PREPL: variants seen among roughly 807,000 people sequenced by gnomAD.
PREPL encodes the protein prolyl endopeptidase like, also known as prolyl endopeptidase-like.
In PREPL, 77 loss-of-function variants were observed where a neutral mutation model predicts 70.6. The ratio of observed to expected loss-of-function variants is 1.09; its 90% CI spans 0.91 to 1.32. The LOEUF (loss-of-function observed/expected upper bound fraction) is 1.32. Among genes scored for constraint, PREPL ranks in the 40% most tolerant of loss-of-function variants. PREPL has a pLI of 0.00. For synonymous variants in PREPL, 315 were observed against 264.8 expected, an observed-to-expected ratio of 1.19 and a Z score of -1.84; for missense variants, 1,002 against 778.2, an observed-to-expected ratio of 1.29 and a Z score of -3.42.
intron 2 of PREPL, among the ~76,000 whole-genome samples, chr2:44,345,461 C>G (rs111822224): frequency 0.072 from 10,980 of 152,006 alleles, 486 homozygotes; most frequent in South Asian, 0.14. Context: ...AAGTGATTCT[C>G]CTGCCTCGGC....
chr2:44,359,860 G>A, intron 1 of PREPL: 1 of 599,990 alleles, frequency 1.7e-6, no homozygotes, highest in Non-Finnish European at 2.9e-6. Flanking sequence ...CCCCACTTAG[G>A]TTATGAATAA....
At chr2:44,328,571 G>A (rs1192870928) in intron 9 of PREPL, among the ~76,000 whole-genome samples, 1 of 151,624 alleles carries the variant, frequency 6.6e-6, no homozygotes, top group African/African-American at 2.4e-5. Flanking sequence ...AGAATTTTAA[G>A]CAGAAATACA....
chr2:44,325,652 T>C (rs887601876), intron 10 of PREPL, among the ~76,000 whole-genome samples: 3 of 152,092 alleles, frequency 2.0e-5, no homozygotes, highest in African/African-American at 7.2e-5. Flanking sequence ...CTGTAAATAA[T>C]TCTGCCATTA....
At chr2:44,351,147 C>G (rs1217665474) in intron 1 of PREPL, among the ~76,000 whole-genome samples, 2 of 149,416 alleles carry the variant, frequency 1.3e-5, no homozygotes, top group Non-Finnish European at 3.0e-5. Flanking sequence ...ATTGGCTAGG[C>G]TGGTCTGAAA....
At position 44,322,721 on chromosome 2, in the gene PREPL, G is replaced by A. The variant is rs1472528232; in HGVS notation, c.1753+10C>T. 1.9e-6 allele frequency: 3 copies of A among 1,611,432 alleles called. No homozygotes were observed. Among genetic ancestry groups the A allele is most frequent in the East Asian group, 4.5e-5 (2 of 44,846 alleles). On this transcript the variant is annotated intron_variant, in intron 12 of 13. Transcript: ENST00000409411. ...TTGGCCATGTTCCCTGCTTCTAGGGGGTCTCCTACCTTCACCTGTGTCCTT... is the reference window on the plus strand; with the variant it reads ...TTGGCCATGTTCCCTGCTTCTAGGGAGTCTCCTACCTTCACCTGTGTCCTT...
At chr2:44,333,419 G>C (rs1229218470) in intron 7 of PREPL, among the ~76,000 whole-genome samples, 1 of 152,084 alleles carries the variant, frequency 6.6e-6, no homozygotes, top group Non-Finnish European at 1.5e-5. Flanking sequence ...AAATGGTACC[G>C]AGAGGCAGAA....
At chr2:44,354,944 A>G (rs1676857519) in intron 1 of PREPL, among the ~76,000 whole-genome samples, 1 of 152,230 alleles carries the variant, frequency 6.6e-6, no homozygotes, top group Admixed American at 6.5e-5. Flanking sequence ...TCCATCTGAA[A>G]CATAAAGATA....
At chr2:44,341,252 T>G (rs2103953564) in intron 5 of PREPL, among the ~76,000 whole-genome samples, 1 of 152,264 alleles carries the variant, frequency 6.6e-6, no homozygotes, top group South Asian at 2.1e-4. Context: ...CAAATAGTAT[T>G]TCCCATTGCA....
Position 44,321,326 on chromosome 2 carries a change from T to C in PREPL, c.*30A>G, listed in dbSNP as rs372558919. On this transcript the variant is annotated 3_prime_UTR_variant, in exon 14 of 14. Coordinates refer to ENST00000409411, the MANE Select transcript of PREPL (RefSeq NM_001171613.2). The stretch of plus-strand genomic sequence containing the variant: ...AGTAAGACTATGAAATATTTCAGTG[T>C]GTTTCCAATTCCCAGTTGAATGCAG... 1.1e-5 allele frequency: 17 copies of C among 1,521,046 alleles called. No individual in the cohort carries two copies. In the African/African-American group the frequency reaches 2.2e-4, roughly 20 times the overall value. The allele number at this position is 1,521,046 out of a possible 1,614,324, so 94.2% of individuals were successfully genotyped here. A position where few individuals can be genotyped will look rare whatever the true frequency, so the allele number is the denominator to read the frequency against.
chr2:44,348,229 T>C (rs2104055792), intron 1 of PREPL, among the ~76,000 whole-genome samples: 1 of 152,282 alleles, frequency 6.6e-6, no homozygotes, highest in South Asian at 2.1e-4. Context: ...GAAGATCAAA[T>C]ACTGGAGGCT....
chr2:44,346,976 G>T (rs1175186827), intron 1 of PREPL, among the ~76,000 whole-genome samples: 2 of 151,952 alleles, frequency 1.3e-5, no homozygotes, highest in Admixed American at 1.3e-4. Flanking sequence ...AGAACCAAGG[G>T]ATATAATTTT....
chr2:44,354,869 G>A (rs754529681), intron 1 of PREPL, among the ~76,000 whole-genome samples: 5 of 152,152 alleles, frequency 3.3e-5, no homozygotes, highest in Admixed American at 6.5e-5. Flanking sequence ...GAGGCGCCAC[G>A]CCCGGCCTTC....
At chr2:44,329,280 G>T (rs982867324) in intron 8 of PREPL, among the ~76,000 whole-genome samples, 168 bp from the exon 9 acceptor site, 1 of 152,152 alleles carries the variant, frequency 6.6e-6, no homozygotes, top group African/African-American at 2.4e-5. Flanking sequence ...AATAAATCAT[G>T]GCTTTTGGTT....
rs1672877404 is a variant in PREPL, at chr2:44,320,798, G to GA, written c.*557dup. The GA allele has an allele frequency of 1.5e-5, 10 of 672,942 alleles. No individual in the cohort carries two copies. Among genetic ancestry groups the GA allele is most frequent in the African/African-American group, 3.6e-5 (2 of 55,082 alleles). The allele number at this position is 672,942 out of a possible 1,614,324, so 41.7% of individuals were successfully genotyped here. ...TTTAAGAAAGGTTCTCAAATGTTTTGAAAAAAATAAAATGTTTAAAAGTAA... is the reference window on the plus strand; with the variant it reads ...TTTAAGAAAGGTTCTCAAATGTTTTGAAAAAAAATAAAATGTTTAAAAGTAA... On this transcript the variant is annotated 3_prime_UTR_variant, in exon 14 of 14. Coordinates refer to ENST00000409411, the MANE Select transcript of PREPL (RefSeq NM_001171613.2).
intron 1 of PREPL, among the ~76,000 whole-genome samples, chr2:44,357,913 A>T (rs544779179): frequency 6.6e-6 from 1 of 152,224 alleles, no homozygotes; most frequent in Non-Finnish European, 1.5e-5. Context: ...ATGAGTAAAG[A>T]AAGTACTAAA....
At chr2:44,333,362 C>CT (rs1674311365) in intron 7 of PREPL, among the ~76,000 whole-genome samples, 2 of 152,150 alleles carry the variant, frequency 1.3e-5, no homozygotes, top group African/African-American at 2.4e-5. Context: ...TAACATCCCT[C>CT]TTACACCTTT....
intron 1 of PREPL, chr2:44,359,391 A>T: frequency 1.1e-6 from 1 of 909,256 alleles, no homozygotes; most frequent in Non-Finnish European, 1.7e-6. Flanking sequence ...AAATCAAGTT[A>T]GAATTACTGA....
intron 1 of PREPL, 96 bp from the exon 2 acceptor site, chr2:44,346,486 T>A: frequency 9.5e-7 from 1 of 1,051,266 alleles, no homozygotes; most frequent in South Asian, 1.4e-5. Flanking sequence ...AGACTTAACG[T>A]TGTACAAAAA....
chr2:44,360,678 T>C (rs758412357), intron 1 of PREPL: 1 of 152,208 alleles, frequency 6.6e-6, no homozygotes, highest in Non-Finnish European at 1.5e-5. Flanking sequence ...TTTCTTCATC[T>C]GCAAAAATGA....
Sources: allele counts gnomAD v4.1 joint callset (sites outside exome capture counted in the v4.1 genomes callset), GRCh38; gene constraint gnomAD v4.1.1; transcripts MANE v1.5; gene names NCBI Gene and HGNC (gene_info 2026-07-23, HGNC 2026-07-21).